The following MTTP variants were observed in gnomAD, a reference collection of about 807,000 sequenced individuals.
MTTP encodes the protein microsomal triglyceride transfer protein.
Under a neutral mutation model 90.6 loss-of-function variants are expected in MTTP, and 49 were observed. The observed-to-expected ratio is 0.54, with a 90% CI of 0.43 to 0.69. The LOEUF (loss-of-function observed/expected upper bound fraction) is 0.69. Ranked by LOEUF, MTTP falls within the 30% of genes least tolerant of loss-of-function variation. MTTP has a pLI of 0.00. For synonymous variants in MTTP, 347 were observed against 384.2 expected (o/e 0.90, Z 1.13); for missense variants, 945 against 1,067.5 (o/e 0.89, Z 1.60).
chr4:99,613,904 T>G (rs1478405119), intron 15 of MTTP, among the ~76,000 whole-genome samples: 1 of 152,140 alleles, frequency 6.6e-6, no homozygotes, highest in Admixed American at 6.6e-5. Context: ...AACCTTTGAG[T>G]CTGAATGTTT....
At chr4:99,589,865 G>C in intron 4 of MTTP, 115 bp downstream of exon 4, 1 of 741,922 alleles carries the variant, frequency 1.3e-6, no homozygotes, top group South Asian at 1.5e-5. Flanking sequence ...AAGGTGACTT[G>C]TGTAGTGAAG....
chr4:99,591,611 G>T, intron 5 of MTTP, 40 bp from the exon 6 acceptor site: 1 of 1,594,040 alleles, frequency 6.3e-7, no homozygotes, highest in Non-Finnish European at 8.6e-7. Flanking sequence ...TAATTTAAAC[G>T]ATGATTACTT....
At chr4:99,594,669 A>G in intron 6 of MTTP, 64 bp from the exon 7 acceptor site, 1 of 1,582,500 alleles carries the variant, frequency 6.3e-7, no homozygotes, top group Non-Finnish European at 8.7e-7. Context: ...AAAGAATGGC[A>G]ATTAGTATCT....
At chr4:99,569,883 A>G (rs1724796385), upstream of MTTP, among the ~76,000 whole-genome samples, 2 of 152,044 alleles carry the variant, frequency 1.3e-5, no homozygotes, top group East Asian at 1.9e-4. Flanking sequence ...ACACACTTTT[A>G]TAGTATTATT....
At chr4:99,590,262 G>A (rs1168969182) in intron 4 of MTTP, among the ~76,000 whole-genome samples, 3 of 152,086 alleles carry the variant, frequency 2.0e-5, no homozygotes, top group Non-Finnish European at 4.4e-5. Context: ...TGCCCGGCTT[G>A]TATTTTTAGT....
intron 1 of MTTP, among the ~76,000 whole-genome samples, chr4:99,581,458 G>A (rs1396646390): frequency 6.6e-6 from 1 of 152,074 alleles, no homozygotes; most frequent in African/African-American, 2.4e-5. Flanking sequence ...CCAAATTAAA[G>A]AACTTCCTTC....
intron 4 of MTTP, among the ~76,000 whole-genome samples, chr4:99,590,913 C>T (rs746335135): frequency 6.6e-5 from 10 of 151,996 alleles, no homozygotes; most frequent in Non-Finnish European, 1.3e-4. Flanking sequence ...ACTCCCTTGC[C>T]ACAGAATTAC....
chr4:99,616,659 G>A (rs954786433), intron 15 of MTTP, among the ~76,000 whole-genome samples: 1 of 152,132 alleles, frequency 6.6e-6, no homozygotes, highest in Non-Finnish European at 1.5e-5. Context: ...CTTTCAAAAA[G>A]GAAAGAGTGC....
intron 9 of MTTP, among the ~76,000 whole-genome samples, chr4:99,601,230 A>T (rs1234406138): frequency 1.3e-5 from 2 of 152,056 alleles, no homozygotes; most frequent in Non-Finnish European, 2.9e-5. Flanking sequence ...ATAGTTCATA[A>T]TCTTTATGGA....
intron 4 of MTTP, among the ~76,000 whole-genome samples, chr4:99,590,605 T>C (rs905924944): frequency 7.2e-5 from 11 of 152,062 alleles, no homozygotes; most frequent in African/African-American, 2.4e-4. Context: ...GATGGTAGGG[T>C]TGGACCAAAA....
chr4:99,575,103 A>G lies in MTTP; in HGVS notation c.61+133A>G, dbSNP rs1025352954. On this transcript the variant is annotated intron_variant, in intron 1 of 17. Coordinates refer to ENST00000265517, the MANE Select transcript of MTTP (RefSeq NM_001386140.1). Reference sequence around the variant, plus strand: ...ACTAAACTATCTTCAAAACCATGTAACTTTGGAATGTTTGTGAAAGCATGG... The same window carrying G: ...ACTAAACTATCTTCAAAACCATGTAGCTTTGGAATGTTTGTGAAAGCATGG... 6 of 1,073,606 alleles carry G rather than the reference A, an allele frequency of 5.6e-6. No individual in the cohort carries two copies. In the African/African-American group the frequency reaches 8.0e-5, roughly 14 times the overall value. The allele number at this position is 1,073,606 out of a possible 1,614,324, so 66.5% of individuals were successfully genotyped here. A position where few individuals can be genotyped will look rare whatever the true frequency, so the allele number is the denominator to read the frequency against.
At chr4:99,589,602 A>G (rs1725363017) in intron 3 of MTTP, 41 bp from the exon 4 acceptor site, 1 of 1,148,526 alleles carries the variant, frequency 8.7e-7, no homozygotes, top group East Asian at 2.4e-5. Flanking sequence ...TAAATGATGC[A>G]TTTTTGCTTC....
At position 99,612,854 on chromosome 4, in the gene MTTP, C is replaced by T. The variant is rs1725993642; in HGVS notation, c.1990-59C>T. 6.1e-6 allele frequency: 9 copies of T among 1,480,128 alleles called. No homozygotes were observed. The South Asian group carries it at 9.1e-5, about 15-fold the overall frequency. 91.7% of individuals were successfully genotyped at this position (1,480,128 alleles called of 1,614,324 possible). Reference sequence around the variant, plus strand: ...TCTAGCTGCAGCTCAGAAGCTTCACCATTATTTACAGAGCAGGCAGGGAGC... The same window carrying T: ...TCTAGCTGCAGCTCAGAAGCTTCACTATTATTTACAGAGCAGGCAGGGAGC... On this transcript the variant is annotated intron_variant, in intron 14 of 17. Transcript: ENST00000265517.
At chr4:99,573,779 C>A (rs1335089963), upstream of MTTP, among the ~76,000 whole-genome samples, 4 of 152,112 alleles carry the variant, frequency 2.6e-5, no homozygotes, top group Admixed American at 2.6e-4. Context: ...TAAAATATGG[C>A]CATAAATATT....
intron 8 of MTTP, among the ~76,000 whole-genome samples, chr4:99,598,681 T>TTTTTTTTG (rs58739885): frequency 1.5e-5 from 2 of 132,260 alleles, no homozygotes; most frequent in Non-Finnish European, 3.2e-5. Context: ...TTTTTTTTTT[T>TTTTTTTTG]AGACAGTGTT....
In MTTP at chr4:99,591,870, TTGTG is replaced by T. The variant is rs34883891; in HGVS notation, c.758+95_758+98del. ...ACTTGATTTGTAAATAGATCTGTGTTTGTGTGTGTGTGTGTGTGCGCGTGTAGTC... is the reference window on the plus strand; with the variant it reads ...ACTTGATTTGTAAATAGATCTGTGTTTGTGTGTGTGTGTGCGCGTGTAGTC... On this transcript the variant is annotated intron_variant, in intron 6 of 17. Coordinates refer to ENST00000265517, the MANE Select transcript of MTTP (RefSeq NM_001386140.1). 0.039 allele frequency: 47,794 copies of T among 1,229,190 alleles called. 1,642 individuals carry two copies. The highest frequency in any genetic ancestry group is 0.15 in the African/African-American group (9,698 of 65,108). 76.1% of individuals were successfully genotyped at this position (1,229,190 alleles called of 1,614,324 possible).
chr4:99,591,399 G>A, intron 5 of MTTP, 48 bp downstream of exon 5: 1 of 1,364,420 alleles, frequency 7.3e-7, no homozygotes, highest in Non-Finnish European at 1.0e-6. Context: ...ATTACATTTT[G>A]TAGAGACTAA....
intron 1 of MTTP, among the ~76,000 whole-genome samples, chr4:99,578,653 A>C (rs1358808036): frequency 6.6e-6 from 1 of 152,240 alleles, no homozygotes; most frequent in Admixed American, 6.5e-5. Flanking sequence ...AGTGAATAAC[A>C]TAATAGTTTG....
At chr4:99,613,238 G>C in intron 15 of MTTP, 98 bp downstream of exon 15, 1 of 1,108,876 alleles carries the variant, frequency 9.0e-7, no homozygotes, top group Non-Finnish European at 1.3e-6. Context: ...ACAAAATTGT[G>C]CCCATCTTGG....
Sources: allele counts gnomAD v4.1 joint callset (sites outside exome capture counted in the v4.1 genomes callset), GRCh38; gene constraint gnomAD v4.1.1; transcripts MANE v1.5; gene names NCBI Gene and HGNC (gene_info 2026-07-23, HGNC 2026-07-21).